SPRED2: variants seen among roughly 807,000 people sequenced by gnomAD.
SPRED2 encodes sprouty-related, EVH1 domain-containing protein 2.
SPRED2 carries 47 observed loss-of-function variants against 43.0 expected under a neutral mutation model. The ratio of observed to expected loss-of-function variants is 1.09; its 90% confidence interval spans 0.87 to 1.40. The LOEUF (loss-of-function observed/expected upper bound fraction) is 1.40. SPRED2 is among the 40% of genes most tolerant of loss of function. SPRED2 has a pLI of 0.00. For synonymous variants in SPRED2, 225 were observed against 225.7 expected, an observed-to-expected ratio of 1.00 and a Z score of 0.03; for missense variants, 561 against 586.4, an observed-to-expected ratio of 0.96 and a Z score of 0.45.
chr2:65,309,385 A>G (rs1321212091), downstream of SPRED2, among the ~76,000 whole-genome samples: 2 of 151,224 alleles, frequency 1.3e-5, no homozygotes, highest in Admixed American at 6.6e-5. Flanking sequence ...GTGCACCTGT[A>G]GTCCTAGCTA....
chr2:65,322,296 T>TATATATATA (rs1558649902), intron 4 of SPRED2, among the ~76,000 whole-genome samples: 1 of 106,478 alleles, frequency 9.4e-6, no homozygotes, highest in African/African-American at 4.5e-5. Flanking sequence ...ATATATATAT[T>TATATATATA]TTTTTTTTTT....
chr2:65,428,005 C>T (rs1361012180), intron 1 of SPRED2, among the ~76,000 whole-genome samples: 1 of 152,162 alleles, frequency 6.6e-6, no homozygotes, highest in Non-Finnish European at 1.5e-5. Context: ...TTTAAGAAGA[C>T]TAAATGAATA....
chr2:65,344,880 G>A lies in SPRED2; in HGVS notation c.43C>T (p.Arg15Cys), dbSNP rs749197715. Residue 15 changes from arginine to cysteine, a missense_variant, in exon 2 of 6, where the codon CGT (arginine) becomes TGT (cysteine). By Grantham distance (180) the Arg-to-Cys change is radical (BLOSUM62 -3). Coordinates refer to ENST00000356388, the MANE Select transcript of SPRED2 (RefSeq NM_181784.3). ...CTGGTCATAACCACAGCCTTGACACGCACAATATAGCTGTCACTAAAACGA... is the reference window on the plus strand; with the variant it reads ...CTGGTCATAACCACAGCCTTGACACACACAATATAGCTGTCACTAAAACGA... ...THPDDDSYIV[R>C]VKAVVMTRDD... is the part of the protein sequence containing the mutation. The A allele has an allele frequency of 5.0e-6, 8 of 1,613,946 alleles. No individual in the cohort carries two copies. The Admixed American group carries it at 5.0e-5, about 10-fold the overall frequency.
intron 4 of SPRED2, among the ~76,000 whole-genome samples, chr2:65,318,178 A>G (rs1420732847): frequency 6.6e-6 from 1 of 152,158 alleles, no homozygotes; most frequent in African/African-American, 2.4e-5. Context: ...GCCTGCCACC[A>G]TCCGCGTAAG....
chr2:65,430,786 G>A (rs1055858555), intron 1 of SPRED2, among the ~76,000 whole-genome samples: 2 of 152,086 alleles, frequency 1.3e-5, no homozygotes, highest in African/African-American at 2.4e-5. Context: ...GAAAGGAACG[G>A]ATGCAGGCTC....
chr2:65,396,674 C>T (rs983312507), intron 1 of SPRED2, among the ~76,000 whole-genome samples: 1 of 152,114 alleles, frequency 6.6e-6, no homozygotes, highest in Non-Finnish European at 1.5e-5. Flanking sequence ...TTTTTTTATT[C>T]CAAAGGAGCA....
At position 65,417,475 on chromosome 2, in the gene SPRED2, T is replaced by C. The variant is rs566496564; in HGVS notation, c.26+14487A>G. 3.3e-5 allele frequency among the ~76,000 whole-genome samples: 5 copies of C among 152,266 alleles called. No individual in the cohort carries two copies. In the East Asian group the frequency reaches 9.6e-4, roughly 29 times the overall value. ...AGGAGAGCTACACAAGAAGAGCATC[T>C]GGGAAGCTCATCTACCTCCACCTCA... is the stretch of plus-strand genomic sequence containing the variant. On this transcript the variant is annotated intron_variant, in intron 1 of 5. Transcript: ENST00000356388.
In SPRED2 at chr2:65,313,784, T is replaced by C; in HGVS notation, c.974A>G (p.His325Arg). ...CACGGAGTCGGGCGCGTCCTGGCAG[T>C]GGCCCCGGCGGTTCTCCTCGTGGTT... is the stretch of plus-strand genomic sequence containing the variant. ...MFNHEENRRG[H>R]CQDAPDSVRT... Residue 325 changes from histidine to arginine, a missense_variant, in exon 6 of 6, where the codon CAC becomes CGC. Transcript: ENST00000356388. The C allele has an allele frequency of 6.2e-7, 1 of 1,614,144 alleles. No individual in the cohort carries two copies. The highest frequency in any genetic ancestry group is 8.5e-7 in the Non-Finnish European group (1 of 1,180,024).
chr2:65,431,966 C>T lies in SPRED2; in HGVS notation c.22G>A (p.Asp8Asn). The change falls in exon 1 of 6, where the codon GAC becomes AAC. Residue 8 changes from aspartate to asparagine, a missense_variant. Asp to Asn is a conservative substitution (Grantham distance 23, BLOSUM62 1). This residue lies in a region of SPRED2 where 305 missense variants were observed against 282.4 expected (regional missense o/e 1.08). Transcript: ENST00000356388. ...CCACCCCGCGACCAAACTTACTCGT[C>T]TGGGTGTGTTTCTTCGGTCATTTTC... MTEETHP[D>N]DDSYIVRVKA... The T allele has an allele frequency of 6.2e-7, 1 of 1,613,988 alleles. No individual in the cohort carries two copies. The highest frequency in any genetic ancestry group is 1.1e-5 in the South Asian group (1 of 91,084).
At chr2:65,405,429 CTTA>C (rs928998983) in intron 1 of SPRED2, among the ~76,000 whole-genome samples, 3 of 152,180 alleles carry the variant, frequency 2.0e-5, no homozygotes, top group Non-Finnish European at 2.9e-5. Flanking sequence ...TTGCTTGGAT[CTTA>C]TTTTATTCTG....
In SPRED2 at chr2:65,313,070, G is replaced by GA. The variant is rs1172337051; in HGVS notation, c.*430dup. 1.0e-6 allele frequency: 1 copy of GA among 988,694 alleles called. No homozygotes were observed. Among genetic ancestry groups the GA allele is most frequent in the Non-Finnish European group, 1.2e-6 (1 of 832,478 alleles). The allele number at this position is 988,694 out of a possible 1,614,324, so 61.2% of individuals were successfully genotyped here. A position where few individuals can be genotyped will look rare whatever the true frequency, so the allele number is the denominator to read the frequency against. On this transcript the variant is annotated 3_prime_UTR_variant, in exon 6 of 6. Coordinates refer to ENST00000356388, the MANE Select transcript of SPRED2 (RefSeq NM_181784.3). ...TAGCGACAGGCAAGGTGAACCAAGAGAAAGAGAGTCTTCGACGCTCTTGGA... is the reference window on the plus strand; with the variant it reads ...TAGCGACAGGCAAGGTGAACCAAGAGAAAAGAGAGTCTTCGACGCTCTTGGA...
intron 1 of SPRED2, among the ~76,000 whole-genome samples, chr2:65,391,441 C>T (rs1284551152): frequency 6.6e-6 from 1 of 152,192 alleles, no homozygotes; most frequent in Non-Finnish European, 1.5e-5. Context: ...TTTAGGCAAA[C>T]TTTAGGCAAA....
chr2:65,314,776 A>G (rs2104110093), intron 5 of SPRED2, among the ~76,000 whole-genome samples: 1 of 152,344 alleles, frequency 6.6e-6, no homozygotes, highest in African/African-American at 2.4e-5. Flanking sequence ...ATATGTCCAC[A>G]AAGGATCACA....
In SPRED2 at chr2:65,379,258, T is replaced by C. The variant is rs1198712199; in HGVS notation, c.27-34362A>G. ...CCCACCTGAGCATTAAGTGCTAATG[T>C]GCATCTTGCTGAGAGCAGCTTATGT... On this transcript the variant is annotated intron_variant, in intron 1 of 5. Coordinates refer to ENST00000356388, the MANE Select transcript of SPRED2 (RefSeq NM_181784.3). 2.0e-5 allele frequency among the ~76,000 whole-genome samples: 3 copies of C among 152,168 alleles called. 1 individual carries two copies. The highest frequency in any genetic ancestry group is 3.9e-4 in the East Asian group (2 of 5,190).
intron 1 of SPRED2, among the ~76,000 whole-genome samples, chr2:65,356,664 C>T (rs1373988842): frequency 6.8e-6 from 1 of 148,102 alleles, no homozygotes; most frequent in African/African-American, 2.5e-5. Flanking sequence ...AAATTCTAAA[C>T]CTACAAAATC....
chr2:65,394,786 T>G (rs1675716742), intron 1 of SPRED2, among the ~76,000 whole-genome samples: 1 of 152,200 alleles, frequency 6.6e-6, no homozygotes, highest in South Asian at 2.1e-4. Flanking sequence ...CAGGGAGGGT[T>G]GAATGCAAAG....
chr2:65,312,861 G>T lies in SPRED2; in HGVS notation c.*640C>A. The T allele has an allele frequency of 1.0e-6, 1 of 985,878 alleles. No homozygotes were observed. 61.1% of individuals were successfully genotyped at this position (985,878 alleles called of 1,614,324 possible). On this transcript the variant is annotated 3_prime_UTR_variant, in exon 6 of 6. Coordinates refer to ENST00000356388, the MANE Select transcript of SPRED2 (RefSeq NM_181784.3). ...TTGGGGGGGCAGAAAATGATGATGG[G>T]CTAAAGATAGAAACTGCAGCTTACA...
intron 1 of SPRED2, among the ~76,000 whole-genome samples, chr2:65,370,966 A>G (rs1675111273): frequency 6.6e-6 from 1 of 152,248 alleles, no homozygotes; most frequent in Admixed American, 6.5e-5. Context: ...TGGAAGAGGC[A>G]TGCAGGAAAC....
intron 2 of SPRED2, among the ~76,000 whole-genome samples, chr2:65,338,365 C>G (rs1273060739): frequency 6.7e-6 from 1 of 149,626 alleles, no homozygotes; most frequent in Non-Finnish European, 1.5e-5. Context: ...CTGGACTGTA[C>G]TGCTGCCATC....
Sources: allele counts gnomAD v4.1 joint callset (sites outside exome capture counted in the v4.1 genomes callset), GRCh38; gene constraint gnomAD v4.1.1; regional missense constraint gnomAD v4.1.1; transcripts MANE v1.5; gene names NCBI Gene and HGNC (gene_info 2026-07-23, HGNC 2026-07-21).